The following PLXNA4 variants were observed in gnomAD, a reference collection of about 807,000 sequenced individuals.
The protein encoded by PLXNA4 is plexin A4, also known as plexin-A4.
A neutral mutation model predicts 191.8 loss-of-function variants in PLXNA4; 44 were observed. The ratio of observed to expected loss-of-function variants is 0.23; its 90% CI spans 0.18 to 0.29. PLXNA4 has a LOEUF of 0.29. PLXNA4 is among the 10% of genes least tolerant of loss of function. PLXNA4 has a pLI of 1.00. For missense variants in PLXNA4, 1,800 were observed against 2,488.8 expected (o/e 0.72, Z 5.89); for synonymous variants, 1,082 against 1,009.5 (o/e 1.07, Z -1.36).
At chr7:132,623,368 A>G (rs1803309852) in intron 2 of PLXNA4, among the ~76,000 whole-genome samples, 1 of 151,984 alleles carries the variant, frequency 6.6e-6, no homozygotes, top group Admixed American at 6.6e-5. Flanking sequence ...TAAAATAAAG[A>G]AAGAAAAAGA....
At chr7:132,356,557 A>G (rs1012749700) in intron 3 of PLXNA4, among the ~76,000 whole-genome samples, 5 of 152,264 alleles carry the variant, frequency 3.3e-5, no homozygotes, top group Middle Eastern at 3.4e-3. Context: ...TCTCTTCACT[A>G]CCTGCTTTGG....
At chr7:132,569,703 G>C (rs1386890474) in intron 1 of PLXNA4, among the ~76,000 whole-genome samples, 1 of 152,208 alleles carries the variant, frequency 6.6e-6, no homozygotes, top group Non-Finnish European at 1.5e-5. Flanking sequence ...TTTTAAGCAA[G>C]GGGACATATT....
At chr7:132,214,224 G>A (rs1797894797) in intron 9 of PLXNA4, among the ~76,000 whole-genome samples, 1 of 152,138 alleles carries the variant, frequency 6.6e-6, no homozygotes, top group South Asian at 2.1e-4. Context: ...CCCTGCCTGG[G>A]GGCTGGACTG....
At chr7:132,230,424 T>C (rs1798486487) in intron 5 of PLXNA4, among the ~76,000 whole-genome samples, 1 of 152,232 alleles carries the variant, frequency 6.6e-6, no homozygotes, top group Non-Finnish European at 1.5e-5. Flanking sequence ...TGCCTGGCAC[T>C]GGGAAGCACT....
intron 9 of PLXNA4, among the ~76,000 whole-genome samples, chr7:132,221,638 G>C (rs537211165): frequency 2.6e-5 from 4 of 152,230 alleles, no homozygotes; most frequent in African/African-American, 7.2e-5. Context: ...TTATATCCAT[G>C]TTGTCTTTGT....
chr7:132,510,642 G>A (rs1444326978), intron 1 of PLXNA4, among the ~76,000 whole-genome samples: 1 of 152,218 alleles, frequency 6.6e-6, no homozygotes, highest in Non-Finnish European at 1.5e-5. Flanking sequence ...CTAGGAGGAG[G>A]AAGACTTCTA....
At chr7:132,394,859 A>C (rs1250537218) in intron 3 of PLXNA4, among the ~76,000 whole-genome samples, 1 of 152,226 alleles carries the variant, frequency 6.6e-6, no homozygotes, top group Non-Finnish European at 1.5e-5. Flanking sequence ...CGCACTAAAA[A>C]AATCTCTCTG....
intron 2 of PLXNA4, among the ~76,000 whole-genome samples, chr7:132,492,981 G>C (rs533505615): frequency 6.6e-6 from 1 of 152,314 alleles, no homozygotes; most frequent in East Asian, 1.9e-4. Context: ...GGTCTGAGCT[G>C]AAACCACCAG....
At chr7:132,482,987 G>T (rs1395959481) in intron 3 of PLXNA4, among the ~76,000 whole-genome samples, 1 of 151,986 alleles carries the variant, frequency 6.6e-6, no homozygotes, top group Non-Finnish European at 1.5e-5. Flanking sequence ...CACCGCGCCC[G>T]GCCGAGAGAC....
intron 5 of PLXNA4, among the ~76,000 whole-genome samples, chr7:132,240,147 T>G (rs1191152157): frequency 6.6e-6 from 1 of 152,224 alleles, no homozygotes; most frequent in Non-Finnish European, 1.5e-5. Flanking sequence ...CTTCTTAATT[T>G]ATAATGTCTG....
chr7:132,455,163 T>C (rs774916091), intron 3 of PLXNA4, among the ~76,000 whole-genome samples: 7 of 152,172 alleles, frequency 4.6e-5, no homozygotes, highest in Non-Finnish European at 5.9e-5. Context: ...CAGGTATCTG[T>C]GGTCATCACG....
intron 20 of PLXNA4, among the ~76,000 whole-genome samples, chr7:132,176,566 G>A (rs1355360539): frequency 6.6e-6 from 1 of 151,876 alleles, no homozygotes; most frequent in African/African-American, 2.4e-5. Flanking sequence ...GCATGTCAGG[G>A]AGTGTGTGAG....
Position 132,507,921 on chromosome 7 carries a change from G to A in PLXNA4, c.773C>T (p.Thr258Ile), listed in dbSNP as rs1468113458. The A allele has an allele frequency of 6.2e-7, 1 of 1,614,152 alleles. No homozygotes were observed. The highest frequency in any genetic ancestry group is 1.3e-5 in the African/African-American group (1 of 75,048). Reference protein sequence around the residue: ...FSSGNFVYFLTLQPEMVSPPG... With the variant: ...FSSGNFVYFLILQPEMVSPPG... ...TGGAGACACCATCTCAGGTTGGAGG[G>A]TCAAAAAGTAGACAAAGTTGCCACT... The change falls in exon 2 of 32, where the codon ACC becomes ATC. Residue 258 changes from threonine (T) to isoleucine (I), a missense_variant. Transcript: ENST00000321063.
At chr7:132,181,077 G>C (rs1016941177) in intron 18 of PLXNA4, among the ~76,000 whole-genome samples, 11 of 152,100 alleles carry the variant, frequency 7.2e-5, no homozygotes, top group African/African-American at 2.7e-4. Context: ...GCTGTGGTTC[G>C]CACAAGGCTG....
chr7:132,182,677 T>A (rs571302558), intron 16 of PLXNA4, among the ~76,000 whole-genome samples: 1 of 152,146 alleles, frequency 6.6e-6, no homozygotes, highest in Non-Finnish European at 1.5e-5. Context: ...TTCTATAATT[T>A]TCTATCTTGG....
At chr7:132,163,524 T>C (rs928087002) in intron 24 of PLXNA4, among the ~76,000 whole-genome samples, 1 of 152,226 alleles carries the variant, frequency 6.6e-6, no homozygotes, top group African/African-American at 2.4e-5. Flanking sequence ...TCCAGGTCTG[T>C]CTGATCCCAA....
chr7:132,424,081 TC>T (rs897991888), intron 3 of PLXNA4, among the ~76,000 whole-genome samples: 1 of 152,044 alleles, frequency 6.6e-6, no homozygotes, highest in African/African-American at 2.4e-5. Flanking sequence ...ACTTTAGCTT[TC>T]CCACAGAGAA....
intron 5 of PLXNA4, among the ~76,000 whole-genome samples, chr7:132,229,074 G>A (rs372658910): frequency 1.8e-4 from 28 of 152,180 alleles, no homozygotes; most frequent in African/African-American, 6.8e-4. Context: ...ATTGGGCTAA[G>A]TGCAGTCCTC....
At chr7:132,402,567 A>T (rs914673280) in intron 3 of PLXNA4, among the ~76,000 whole-genome samples, 1 of 152,170 alleles carries the variant, frequency 6.6e-6, no homozygotes, top group African/African-American at 2.4e-5. Context: ...GCAGCTGGCT[A>T]ATCATCTTAT....
Sources: gnomAD v4.1 joint callset for allele counts (sites outside exome capture counted in the v4.1 genomes callset) on GRCh38, gnomAD v4.1.1 for gene constraint, MANE v1.5 for transcripts, NCBI Gene and HGNC (gene_info 2026-07-23, HGNC 2026-07-21) for gene names.